Variants in RBPJ observed in about 807,000 individuals in gnomAD.
RBPJ encodes recombination signal binding protein for immunoglobulin kappa J region.
Under a neutral mutation model 67.8 loss-of-function variants are expected in RBPJ, and 9 were observed. The ratio of observed to expected loss-of-function variants is 0.13; its 90% CI spans 0.08 to 0.23. The LOEUF (loss-of-function observed/expected upper bound fraction) is 0.23, where lower values mean the gene tolerates loss of function less well. RBPJ is among the 10% of genes least tolerant of loss of function. RBPJ has a pLI of 1.00. For synonymous variants in RBPJ, 198 were observed against 203.3 expected, an observed-to-expected ratio of 0.97 and a Z score of 0.22; for missense variants, 305 against 595.6, an observed-to-expected ratio of 0.51 and a Z score of 5.08.
intron 1 of RBPJ, among the ~76,000 whole-genome samples, chr4:26,366,773 G>A (rs1048404652): frequency 1.3e-5 from 2 of 152,078 alleles, no homozygotes; most frequent in East Asian, 1.9e-4. Flanking sequence ...ATACATCCTA[G>A]TTGTGGAAGG....
intron 1 of RBPJ, among the ~76,000 whole-genome samples, chr4:26,200,645 C>T (rs776450157): frequency 6.6e-5 from 10 of 150,544 alleles, no homozygotes; most frequent in Non-Finnish European, 7.4e-5. Context: ...CACTCCAAAG[C>T]GAAACTTTCT....
At chr4:26,377,774 T>A (rs1390276860) in intron 1 of RBPJ, among the ~76,000 whole-genome samples, 4 of 152,340 alleles carry the variant, frequency 2.6e-5, no homozygotes, top group Middle Eastern at 3.4e-3. Flanking sequence ...TTAAGCCACT[T>A]GTATTCTAGA....
chr4:26,272,627 G>A (rs1036299605), intron 1 of RBPJ: 6 of 443,218 alleles, frequency 1.4e-5, no homozygotes, highest in African/African-American at 1.2e-4. Flanking sequence ...TACAGATTTG[G>A]TTGCAGATGA....
chr4:26,327,616 A>G (rs762091743), intron 1 of RBPJ, among the ~76,000 whole-genome samples: 2 of 142,730 alleles, frequency 1.4e-5, no homozygotes, highest in Non-Finnish European at 3.0e-5. Context: ...TGCATTGTTA[A>G]TGAGATGATA....
At chr4:26,270,362 A>AAAGAAAG (rs1720842390) in intron 1 of RBPJ, among the ~76,000 whole-genome samples, 1 of 20,330 alleles carries the variant, frequency 4.9e-5, no homozygotes, top group South Asian at 1.7e-3. Flanking sequence ...CAAGAGAAAG[A>AAAGAAAG]AAGAAAGAAA....
chr4:26,315,190 A>G (rs1328800999), upstream of RBPJ, among the ~76,000 whole-genome samples: 6 of 105,196 alleles, frequency 5.7e-5, no homozygotes, highest in Admixed American at 3.5e-4. Flanking sequence ...ATATATATAT[A>G]TATGTATGTA....
At chr4:26,384,819 TCTC>T (rs1730677724) in intron 1 of RBPJ, among the ~76,000 whole-genome samples, 1 of 27,272 alleles carries the variant, frequency 3.7e-5, no homozygotes, top group African/African-American at 1.6e-4. Flanking sequence ...GCCTCTCCCC[TCTC>T]CCCCTCCCCT....
intron 1 of RBPJ, among the ~76,000 whole-genome samples, chr4:26,323,839 G>A (rs761042303): frequency 6.6e-6 from 1 of 152,056 alleles, no homozygotes; most frequent in African/African-American, 2.4e-5. Context: ...AAATTGTTTC[G>A]TTTGAAAGTT....
At chr4:26,241,844 A>G (rs1719646916) in intron 1 of RBPJ, among the ~76,000 whole-genome samples, 1 of 151,240 alleles carries the variant, frequency 6.6e-6, no homozygotes, top group Admixed American at 6.6e-5. Flanking sequence ...TGATCATTAA[A>G]CTCCTCTTAA....
Position 26,191,210 on chromosome 4 carries a change from T to TATAG in RBPJ, c.-167+27597_-167+27598insTAGA, listed in dbSNP as rs1364457297. Among the ~76,000 whole-genome samples, 34 of 26,818 alleles carry TATAG rather than the reference T, an allele frequency of 1.3e-3. 1 individual carries two copies. Among genetic ancestry groups the TATAG allele is most frequent in the Admixed American group, 2.8e-3 (3 of 1,060 alleles). The allele number at this position is 26,818 out of a possible 152,430, so 17.6% of individuals were successfully genotyped here. A position where few individuals can be genotyped will look rare whatever the true frequency, so the allele number is the denominator to read the frequency against. ...ATATATATATATATATATATATATA[T>TATAG]AGAGAGAGAGAGAGAGAGAGAGAGA... On this transcript the variant is annotated intron_variant, in intron 1 of 4. Coordinates refer to the RBPJ transcript ENST00000512351.
At chr4:26,133,209 G>C in the RBPJ span, among the ~76,000 whole-genome samples, 1 of 152,212 alleles carries the variant, frequency 6.6e-6, no homozygotes, top group Non-Finnish European at 1.5e-5. Context: ...TTTCACGTAT[G>C]TCTGCTCATT....
intron 4 of RBPJ, among the ~76,000 whole-genome samples, chr4:26,416,764 T>G (rs1245143405): frequency 2.6e-5 from 4 of 152,160 alleles, no homozygotes; most frequent in African/African-American, 4.8e-5. Context: ...GTAGTGTTGG[T>G]GGAGGTGAGC....
At chr4:26,287,180 C>G (rs1312105478) in intron 1 of RBPJ, among the ~76,000 whole-genome samples, 1 of 151,974 alleles carries the variant, frequency 6.6e-6, no homozygotes, top group Admixed American at 6.6e-5. Flanking sequence ...TGATTTTAAA[C>G]CATGTCACTG....
rs140541150 is a variant in RBPJ at position 26,214,639 on chromosome 4, G to GA, written c.-167+51031dup. On this transcript the variant is annotated intron_variant, in intron 1 of 4. Transcript: ENST00000512351. ...GAAAAAGAAAAAAGAGAAAGAAAAA[G>GA]AAAAAAGAAAGAGAAAAAGGAAGGA... 4.0e-3 allele frequency among the ~76,000 whole-genome samples: 517 copies of GA among 130,564 alleles called. 11 individuals are homozygous for GA. The highest frequency in any genetic ancestry group is 0.014 in the African/African-American group (448 of 32,732). The allele number at this position is 130,564 out of a possible 152,430, so 85.7% of individuals were successfully genotyped here.
At chr4:26,410,209 T>TG (rs1733881540) in intron 3 of RBPJ, 1 of 293,160 alleles carries the variant, frequency 3.4e-6, no homozygotes. Context: ...TTTGAAGAGT[T>TG]GCAAAGGCGT....
chr4:26,337,458 C>T (rs1724973422), intron 1 of RBPJ, among the ~76,000 whole-genome samples: 1 of 151,774 alleles, frequency 6.6e-6, no homozygotes. Context: ...AACAGTATCT[C>T]TTCTGTAGCT....
At chr4:26,112,961 C>G in the RBPJ span, 1 of 153,252 alleles carries the variant, frequency 6.5e-6, no homozygotes, top group Non-Finnish European at 1.5e-5. Flanking sequence ...GCCTTGTTGG[C>G]CAGGCAGGAT....
intron 1 of RBPJ, among the ~76,000 whole-genome samples, chr4:26,366,296 TG>T (rs1728620508): frequency 2.0e-5 from 3 of 150,574 alleles, no homozygotes; most frequent in Non-Finnish European, 4.5e-5. Context: ...TGTTTTGTTT[TG>T]TTTTGTTTAT....
intron 1 of RBPJ, among the ~76,000 whole-genome samples, chr4:26,167,113 C>G (rs1716346357): frequency 6.6e-6 from 1 of 152,038 alleles, no homozygotes; most frequent in South Asian, 2.1e-4. Context: ...GTTTTGGTTA[C>G]TGTAGCCTTG....
Sources: allele counts gnomAD v4.1 joint callset (sites outside exome capture counted in the v4.1 genomes callset), GRCh38; gene constraint gnomAD v4.1.1; transcripts MANE v1.5; gene names NCBI Gene and HGNC (gene_info 2026-07-23, HGNC 2026-07-21).